DLG2: variants seen among roughly 807,000 people sequenced by gnomAD.
DLG2 encodes disks large homolog 2.
A neutral mutation model predicts 132.5 loss-of-function variants in DLG2; 45 were observed. The ratio of observed to expected loss-of-function variants is 0.34; its 90% CI spans 0.27 to 0.44. The LOEUF (loss-of-function observed/expected upper bound fraction) is 0.44, where lower values mean the gene tolerates loss of function less well. DLG2 is among the 20% of genes least tolerant of loss of function. The probability of loss-of-function intolerance (pLI) is 1.00; values close to 1 mark genes in which losing one functional copy is unlikely to be tolerated. For missense variants in DLG2, 1,045 were observed against 1,196.9 expected, an observed-to-expected ratio of 0.87 and a Z score of 1.87; for synonymous variants, 424 against 419.6, an observed-to-expected ratio of 1.01 and a Z score of -0.13.
chr11:85,291,836 C>T (rs192995051), intron 3 of DLG2, among the ~76,000 whole-genome samples: 1 of 152,254 alleles, frequency 6.6e-6, no homozygotes, highest in African/African-American at 2.4e-5. Context: ...CCACCCGCCT[C>T]AGCCTCCCAA....
At chr11:84,284,564 T>G (rs1599053589) in intron 7 of DLG2, among the ~76,000 whole-genome samples, 1 of 152,200 alleles carries the variant, frequency 6.6e-6, no homozygotes, top group African/African-American at 2.4e-5. Flanking sequence ...CTGAAGTAGG[T>G]GGGACCCCAG....
chr11:84,325,690 A>G (rs1481419798), intron 7 of DLG2, among the ~76,000 whole-genome samples: 1 of 152,112 alleles, frequency 6.6e-6, no homozygotes, highest in Non-Finnish European at 1.5e-5. Context: ...ATATTCATTG[A>G]CGATATTGGT....
intron 8 of DLG2, among the ~76,000 whole-genome samples, chr11:84,248,272 A>G (rs1265560259): frequency 6.6e-6 from 1 of 151,928 alleles, no homozygotes; most frequent in Non-Finnish European, 1.5e-5. Context: ...AGGTATTCAT[A>G]TTTACCATTC....
chr11:84,924,224 T>C (rs1345770073), intron 6 of DLG2, among the ~76,000 whole-genome samples: 3 of 152,218 alleles, frequency 2.0e-5, no homozygotes, highest in Non-Finnish European at 4.4e-5. Flanking sequence ...TTTAGGGTGC[T>C]ATACCCTTAT....
chr11:85,211,582 T>C (rs917348516), intron 4 of DLG2, among the ~76,000 whole-genome samples: 8 of 152,084 alleles, frequency 5.3e-5, no homozygotes, highest in Non-Finnish European at 1.0e-4. Context: ...TGCTCAAGAT[T>C]ACACTGATTG....
chr11:84,871,238 T>C (rs977727028), intron 6 of DLG2, among the ~76,000 whole-genome samples: 13 of 152,214 alleles, frequency 8.5e-5, no homozygotes, highest in Non-Finnish European at 1.8e-4. Flanking sequence ...CCAGGCTTCC[T>C]GCATAAGGAT....
intron 7 of DLG2, among the ~76,000 whole-genome samples, chr11:84,353,849 A>G (rs956557421): frequency 2.6e-5 from 4 of 152,116 alleles, no homozygotes; most frequent in South Asian, 2.1e-4. Flanking sequence ...TACCTAACCA[A>G]CTTCTACTAA....
intron 3 of DLG2, among the ~76,000 whole-genome samples, chr11:85,416,657 C>T (rs751568798): frequency 5.3e-5 from 8 of 152,058 alleles, no homozygotes; most frequent in South Asian, 2.1e-4. Flanking sequence ...AGGTCCTTCC[C>T]GTCCCTTGTA....
intron 6 of DLG2, among the ~76,000 whole-genome samples, chr11:84,622,041 C>A (rs573294596): frequency 6.6e-6 from 1 of 152,078 alleles, no homozygotes; most frequent in East Asian, 1.9e-4. Flanking sequence ...AGTTGCGGAC[C>A]GCACTTTCCC....
At chr11:84,942,341 A>C (rs2154098033) in intron 6 of DLG2, among the ~76,000 whole-genome samples, 1 of 152,130 alleles carries the variant, frequency 6.6e-6, no homozygotes, top group Admixed American at 6.5e-5. Flanking sequence ...AAGTTTTTCT[A>C]CTTGTTTAAT....
intron 6 of DLG2, among the ~76,000 whole-genome samples, chr11:84,984,763 C>T (rs2056258045): frequency 6.6e-6 from 1 of 152,032 alleles, no homozygotes; most frequent in African/African-American, 2.4e-5. Flanking sequence ...TAAGGACTCA[C>T]ATAAACTTAA....
chr11:84,380,281 A>ATCCC (rs2098744792), intron 7 of DLG2, among the ~76,000 whole-genome samples: 1 of 151,942 alleles, frequency 6.6e-6, no homozygotes, highest in Non-Finnish European at 1.5e-5. Context: ...ATTGACATAA[A>ATCCC]TCCCTACTAA....
intron 16 of DLG2, among the ~76,000 whole-genome samples, chr11:83,843,414 T>C (rs2058024669): frequency 6.6e-6 from 1 of 152,182 alleles, no homozygotes; most frequent in Non-Finnish European, 1.5e-5. Context: ...AACCACATTG[T>C]CCTTTCATTG....
At chr11:85,187,330 C>G (rs775472620) in intron 4 of DLG2, among the ~76,000 whole-genome samples, 3 of 151,836 alleles carry the variant, frequency 2.0e-5, no homozygotes, top group Non-Finnish European at 4.4e-5. Context: ...TATGAAAAGC[C>G]AAAGGGGGAG....
At chr11:84,583,866 T>G (rs185801126) in intron 6 of DLG2, among the ~76,000 whole-genome samples, 11 of 152,194 alleles carry the variant, frequency 7.2e-5, no homozygotes, top group Admixed American at 7.2e-4. Flanking sequence ...CATTTGATTT[T>G]ATGTTTCAAA....
intron 6 of DLG2, among the ~76,000 whole-genome samples, chr11:84,934,244 C>G (rs1214149556): frequency 2.0e-5 from 3 of 151,936 alleles, no homozygotes; most frequent in Non-Finnish European, 1.5e-5. Flanking sequence ...GGTGGATAAG[C>G]TTTTTGATGT....
chr11:85,393,119 T>C (rs2086950628), intron 3 of DLG2, among the ~76,000 whole-genome samples: 1 of 151,596 alleles, frequency 6.6e-6, no homozygotes, highest in African/African-American at 2.4e-5. Flanking sequence ...GAAACTCAAA[T>C]CAGCAAGAAC....
At chr11:84,782,989 T>C (rs2072110720) in intron 6 of DLG2, among the ~76,000 whole-genome samples, 1 of 152,164 alleles carries the variant, frequency 6.6e-6, no homozygotes, top group Non-Finnish European at 1.5e-5. Flanking sequence ...TTCCTATGTA[T>C]GAAGCACATT....
In DLG2 at chr11:84,199,649, T is replaced by C. The variant is rs193090816; in HGVS notation, c.574-36138A>G. Reference sequence around the variant, plus strand: ...CAAAATTGTAGATATGAAAAATACATTAAATTATCAATACACTGAAAGGGT... The same window carrying C: ...CAAAATTGTAGATATGAAAAATACACTAAATTATCAATACACTGAAAGGGT... On this transcript the variant is annotated intron_variant, in intron 8 of 27. Coordinates refer to ENST00000376104, the MANE Select transcript of DLG2 (RefSeq NM_001142699.3). Among the ~76,000 whole-genome samples, 385 of 152,114 alleles carry C rather than the reference T, an allele frequency of 2.5e-3. 6 individuals are homozygous for C. Among genetic ancestry groups the C allele is most frequent in the Non-Finnish European group, 2.1e-4 (14 of 67,946 alleles).
Sources: allele counts gnomAD v4.1 joint callset (sites outside exome capture counted in the v4.1 genomes callset), GRCh38; gene constraint gnomAD v4.1.1; transcripts MANE v1.5; gene names NCBI Gene and HGNC (gene_info 2026-07-23, HGNC 2026-07-21).